The following LPA variants were observed in gnomAD, a reference collection of about 807,000 sequenced individuals.
LPA encodes the protein apolipoprotein(a).
In LPA, 199 loss-of-function variants were observed where a neutral mutation model predicts 197.9. The ratio of observed to expected loss-of-function variants is 1.01; its 90% confidence interval spans 0.90 to 1.13. The LOEUF (loss-of-function observed/expected upper bound fraction) is 1.13, where lower values mean the gene tolerates loss of function less well. Among genes scored for constraint, LPA ranks in the 50% most tolerant of loss-of-function variants. LPA has a pLI of 0.00. For synonymous variants in LPA, 715 were observed against 639.5 expected (o/e 1.12, Z -1.78); for missense variants, 1,853 against 1,785.8 (o/e 1.04, Z -0.68).
intron 18 of LPA, among the ~76,000 whole-genome samples, chr6:160,604,842 C>T (rs1326735012): frequency 6.6e-6 from 1 of 152,136 alleles, no homozygotes; most frequent in African/African-American, 2.4e-5. Context: ...CCTTTCTGCT[C>T]CATTAAACTA....
chr6:160,572,697 T>C lies in LPA; in HGVS notation c.4631+4439A>G, dbSNP rs117486827. ...TTTCGCTGGATACAAAATTCTTGAC[T>C]GATAATTGTTTTGTTTGAGGAGGCT... is the stretch of plus-strand genomic sequence containing the variant. On this transcript the variant is annotated intron_variant, in intron 28 of 38. Transcript: ENST00000316300. 3.6e-3 allele frequency among the ~76,000 whole-genome samples: 551 copies of C among 152,334 alleles called. 3 individuals carry two copies. Among genetic ancestry groups the C allele is most frequent in the Non-Finnish European group, 5.7e-3 (390 of 68,024 alleles).
chr6:160,590,076 T>C (rs1055099079), intron 23 of LPA, among the ~76,000 whole-genome samples: 1 of 152,154 alleles, frequency 6.6e-6, no homozygotes, highest in Non-Finnish European at 1.5e-5. Flanking sequence ...AGGTGGTGGT[T>C]GTCAGTGGGG....
intron 18 of LPA, among the ~76,000 whole-genome samples, 187 bp downstream of exon 18, chr6:160,604,856 GGAA>G (rs1562340864): frequency 2.6e-5 from 4 of 152,112 alleles, no homozygotes; most frequent in Non-Finnish European, 5.9e-5. Context: ...TAAACTAGGA[GGAA>G]GGAGAGCCAG....
intron 28 of LPA, among the ~76,000 whole-genome samples, chr6:160,567,084 A>G (rs975482990): frequency 1.3e-5 from 2 of 152,194 alleles, no homozygotes; most frequent in African/African-American, 4.8e-5. Flanking sequence ...AGACAGATCA[A>G]TGAGACAGAA....
chr6:160,589,510 A>T (rs1258400232), intron 24 of LPA, 43 bp downstream of exon 24: 1 of 1,608,238 alleles, frequency 6.2e-7, no homozygotes, highest in Admixed American at 1.7e-5. Flanking sequence ...GGAGAAATTT[A>T]AGTGGGTGGC....
Position 160,611,211 on chromosome 6 carries a change from T to G in LPA, c.2603+351A>C, listed in dbSNP as rs183836119. On this transcript the variant is annotated intron_variant, in intron 16 of 38. Coordinates refer to ENST00000316300, the MANE Select transcript of LPA (RefSeq NM_005577.4). ...GCAAACACAATCTTCCCTTCAGGAA[T>G]TGGAAGTCAGAATAACGGAATTCCA... is the stretch of plus-strand genomic sequence containing the variant. 3.1e-3 allele frequency among the ~76,000 whole-genome samples: 465 copies of G among 152,006 alleles called. 1 individual carries two copies. Among genetic ancestry groups the G allele is most frequent in the Non-Finnish European group, 5.3e-3 (361 of 67,840 alleles).
intron 30 of LPA, among the ~76,000 whole-genome samples, chr6:160,551,820 T>C (rs1030498142): frequency 2.0e-5 from 3 of 152,212 alleles, no homozygotes; most frequent in Non-Finnish European, 4.4e-5. Context: ...TTGCCATCTA[T>C]ACGGAAAATC....
At chr6:160,540,948 A>T (rs1314058127) in intron 35 of LPA, among the ~76,000 whole-genome samples, 159 bp downstream of exon 35, 1 of 151,874 alleles carries the variant, frequency 6.6e-6, no homozygotes, top group African/African-American at 2.4e-5. Flanking sequence ...CTGCCTCAGG[A>T]TTCTGCATGC....
rs1324534529 is a variant in LPA, at chr6:160,557,415, T to C, written c.4788A>G (p.Pro1596=). 9 of 1,614,028 alleles carry C rather than the reference T, an allele frequency of 5.6e-6. No homozygotes were observed. The highest frequency in any genetic ancestry group is 6.8e-6 in the Non-Finnish European group (8 of 1,180,028). ...CTGCTTCAGAATGAGCCTCCATGCT[T>C]GGAACTGGAACAACAGTGGGAGTCT... ...VLETPTVVPV[P]SMEAHSEAAP... The change falls in exon 29 of 39, where the codon CCA becomes CCG. Residue 1596 remains proline (P), a synonymous_variant. Coordinates refer to ENST00000316300, the MANE Select transcript of LPA (RefSeq NM_005577.4).
intron 37 of LPA, among the ~76,000 whole-genome samples, chr6:160,534,392 T>G (rs752489265): frequency 6.6e-6 from 1 of 152,156 alleles, no homozygotes; most frequent in Admixed American, 6.5e-5. Flanking sequence ...TCGTGGCCAA[T>G]GTAGAGATGG....
At chr6:160,572,178 C>T (rs1295112454) in intron 28 of LPA, among the ~76,000 whole-genome samples, 1 of 152,350 alleles carries the variant, frequency 6.6e-6, no homozygotes, top group East Asian at 1.9e-4. Context: ...CCCCACCCTG[C>T]TTCAGGTCAC....
chr6:160,600,377 C>T (rs1779214885), intron 19 of LPA, among the ~76,000 whole-genome samples: 1 of 152,202 alleles, frequency 6.6e-6, no homozygotes, highest in Non-Finnish European at 1.5e-5. Flanking sequence ...AAGCTAAGAA[C>T]TGCACAACCT....
chr6:160,608,770 AC>A (rs1779415422), intron 16 of LPA, among the ~76,000 whole-genome samples: 1 of 151,652 alleles, frequency 6.6e-6, no homozygotes, highest in African/African-American at 2.4e-5. Flanking sequence ...CTATTTTGCA[AC>A]ATGTCTGTGA....
intron 28 of LPA, among the ~76,000 whole-genome samples, chr6:160,569,122 G>A (rs1778516421): frequency 6.6e-6 from 1 of 152,086 alleles, no homozygotes; most frequent in Non-Finnish European, 1.5e-5. Flanking sequence ...CACAGAATTG[G>A]AAAAAACTAC....
Position 160,605,349 on chromosome 6 carries a change from T to C in LPA, c.2786-144A>G, listed in dbSNP as rs1384643685. On this transcript the variant is annotated intron_variant, in intron 17 of 38. Coordinates refer to ENST00000316300, the MANE Select transcript of LPA (RefSeq NM_005577.4). ...ACAAGTAACATTCTTGTTTCTTTAT[T>C]TGTAGGCAGATGGACTTGAGAAAAG... 5 of 1,060,114 alleles carry C rather than the reference T, an allele frequency of 4.7e-6. No individual in the cohort carries two copies. In the African/African-American group the frequency reaches 4.7e-5, roughly 10 times the overall value. The allele number at this position is 1,060,114 out of a possible 1,614,324, so 65.7% of individuals were successfully genotyped here. A position where few individuals can be genotyped will look rare whatever the true frequency, so the allele number is the denominator to read the frequency against.
At chr6:160,606,872 AT>A (rs1388363242) in intron 16 of LPA, among the ~76,000 whole-genome samples, 3 of 152,176 alleles carry the variant, frequency 2.0e-5, no homozygotes, top group Non-Finnish European at 4.4e-5. Flanking sequence ...ATAAAAAAAA[AT>A]CTAAAGTAGC....
chr6:160,579,651 C>T (rs1778753383), intron 26 of LPA, among the ~76,000 whole-genome samples: 1 of 152,150 alleles, frequency 6.6e-6, no homozygotes, highest in African/African-American at 2.4e-5. Flanking sequence ...CTCCCAAGAA[C>T]GTTGCTCCAA....
chr6:160,573,962 A>C (rs1778608674), intron 28 of LPA, among the ~76,000 whole-genome samples: 1 of 152,074 alleles, frequency 6.6e-6, no homozygotes, highest in Admixed American at 6.5e-5. Context: ...AGAACTCCAA[A>C]GATTATATGC....
At chr6:160,649,306 G>A (rs1779961539) in intron 2 of LPA, among the ~76,000 whole-genome samples, 1 of 152,104 alleles carries the variant, frequency 6.6e-6, no homozygotes, top group Admixed American at 6.5e-5. Context: ...TTCCATTGTA[G>A]TTGCTGCTCT....
Sources: gnomAD v4.1 joint callset for allele counts (sites outside exome capture counted in the v4.1 genomes callset) on GRCh38, gnomAD v4.1.1 for gene constraint, MANE v1.5 for transcripts, NCBI Gene and HGNC (gene_info 2026-07-23, HGNC 2026-07-21) for gene names.